NBAS: variants seen among roughly 807,000 people sequenced by gnomAD.
The protein encoded by NBAS is NAG/BC035112 fusion.
In NBAS, 219 loss-of-function variants were observed where a neutral mutation model predicts 302.5. The ratio of observed to expected loss-of-function variants is 0.72; its 90% CI spans 0.65 to 0.81. The LOEUF is 0.81. Ranked by LOEUF, NBAS falls within the 30% of genes least tolerant of loss-of-function variation. The probability of loss-of-function intolerance (pLI) is 0.00; values close to 1 mark genes in which losing one functional copy is unlikely to be tolerated. For missense variants in NBAS, 2,932 were observed against 2,841.6 expected, an observed-to-expected ratio of 1.03 and a Z score of -0.72; for synonymous variants, 1,118 against 1,021.6, an observed-to-expected ratio of 1.09 and a Z score of -1.80.
At chr2:15,491,049 A>G (rs1262799698) in intron 11 of NBAS, among the ~76,000 whole-genome samples, 1 of 152,222 alleles carries the variant, frequency 6.6e-6, no homozygotes. Context: ...ATAAATATAT[A>G]GTATTTTTTA....
intron 40 of NBAS, among the ~76,000 whole-genome samples, chr2:15,300,423 G>T (rs1435215271): frequency 6.6e-6 from 1 of 152,192 alleles, no homozygotes; most frequent in Non-Finnish European, 1.5e-5. Flanking sequence ...TTTATGCAGA[G>T]GAAGATGCTG....
At chr2:15,448,395 G>C (rs917596487) in intron 21 of NBAS, among the ~76,000 whole-genome samples, 3 of 152,006 alleles carry the variant, frequency 2.0e-5, no homozygotes, top group Non-Finnish European at 4.4e-5. Context: ...TATCGCTTAC[G>C]TTACTTAATC....
At chr2:14,879,653 G>C in the NBAS span, among the ~76,000 whole-genome samples, 1 of 152,044 alleles carries the variant, frequency 6.6e-6, no homozygotes, top group African/African-American at 2.4e-5. Context: ...AGATTAAAGA[G>C]AAACTCAAGT....
intron 30 of NBAS, among the ~76,000 whole-genome samples, chr2:15,376,510 G>C (rs977387523): frequency 6.6e-6 from 1 of 152,104 alleles, no homozygotes; most frequent in Non-Finnish European, 1.5e-5. Flanking sequence ...TAGGAGAAAA[G>C]AAAGAGCTAA....
the NBAS span, among the ~76,000 whole-genome samples, chr2:14,794,912 T>C: frequency 2.0e-5 from 3 of 152,230 alleles, no homozygotes; most frequent in South Asian, 4.1e-4. Context: ...GATACACCTA[T>C]GTTGTTGTAT....
chr2:15,376,691 C>T (rs1198617152), intron 30 of NBAS, among the ~76,000 whole-genome samples: 1 of 152,060 alleles, frequency 6.6e-6, no homozygotes, highest in Non-Finnish European at 1.5e-5. Flanking sequence ...ATGAATCTCT[C>T]CAATATATCC....
chr2:15,486,452 A>G (rs1680631088), intron 12 of NBAS, among the ~76,000 whole-genome samples: 1 of 152,202 alleles, frequency 6.6e-6, no homozygotes, highest in South Asian at 2.1e-4. Flanking sequence ...TGTTTCAGGA[A>G]CATGGAATCA....
intron 21 of NBAS, among the ~76,000 whole-genome samples, chr2:15,454,371 C>T (rs962174196): frequency 5.3e-5 from 8 of 151,684 alleles, no homozygotes; most frequent in African/African-American, 1.9e-4. Flanking sequence ...GTATCCTGGA[C>T]TGTATCCTCA....
chr2:14,791,569 C>T, the NBAS span, among the ~76,000 whole-genome samples: 8 of 151,842 alleles, frequency 5.3e-5, no homozygotes, highest in Admixed American at 2.0e-4. Flanking sequence ...TCTGGGAGGC[C>T]GAGGCAGGCA....
the NBAS span, among the ~76,000 whole-genome samples, chr2:14,961,861 C>T: frequency 6.6e-6 from 1 of 152,134 alleles, no homozygotes; most frequent in Non-Finnish European, 1.5e-5. Flanking sequence ...TCACTGCAAC[C>T]TCCACCTCTC....
At chr2:14,814,861 G>T in the NBAS span, among the ~76,000 whole-genome samples, 2 of 152,166 alleles carry the variant, frequency 1.3e-5, no homozygotes, top group African/African-American at 2.4e-5. Flanking sequence ...AGTGTTGCAG[G>T]TGGGACCTAG....
At chr2:14,924,699 A>G in the NBAS span, among the ~76,000 whole-genome samples, 1 of 152,154 alleles carries the variant, frequency 6.6e-6, no homozygotes, top group Non-Finnish European at 1.5e-5. Flanking sequence ...TCATTTTCTC[A>G]AAGACATATT....
chr2:14,893,482 C>G, the NBAS span, among the ~76,000 whole-genome samples: 3 of 152,084 alleles, frequency 2.0e-5, no homozygotes, highest in Non-Finnish European at 4.4e-5. Flanking sequence ...ATGTTTGCAG[C>G]TATAAATTTT....
chr2:14,819,473 A>G, the NBAS span, among the ~76,000 whole-genome samples: 3 of 152,220 alleles, frequency 2.0e-5, no homozygotes, highest in East Asian at 5.8e-4. Context: ...TGAAGTATGT[A>G]TTAGGAAAAG....
intron 35 of NBAS, among the ~76,000 whole-genome samples, chr2:15,344,606 C>T (rs1673003356): frequency 6.6e-6 from 1 of 152,186 alleles, no homozygotes; most frequent in South Asian, 2.1e-4. Context: ...GGGACCATTA[C>T]GTCTGAAACT....
intron 44 of NBAS, among the ~76,000 whole-genome samples, chr2:15,240,833 T>C (rs1667835307): frequency 6.6e-6 from 1 of 152,190 alleles, no homozygotes. Flanking sequence ...CAAGTATTAA[T>C]TATGTTACTG....
chr2:15,514,825 C>A (rs569478627), intron 9 of NBAS, among the ~76,000 whole-genome samples: 1 of 152,202 alleles, frequency 6.6e-6, no homozygotes, highest in Admixed American at 6.5e-5. Flanking sequence ...GACACTTCCT[C>A]TCTATGAATT....
chr2:15,450,539 G>A (rs1382024407), intron 21 of NBAS, among the ~76,000 whole-genome samples: 1 of 151,934 alleles, frequency 6.6e-6, no homozygotes, highest in African/African-American at 2.4e-5. Flanking sequence ...CTATCTTAAA[G>A]TTGTATCTAA....
At chr2:15,461,537 T>C in intron 20 of NBAS, 150 bp downstream of exon 20, 1 of 741,488 alleles carries the variant, frequency 1.3e-6, no homozygotes, top group Non-Finnish European at 2.2e-6. Context: ...CTCAGAATGA[T>C]GGATATTAAA....
Sources: gnomAD v4.1 joint callset for allele counts (sites outside exome capture counted in the v4.1 genomes callset) on GRCh38, gnomAD v4.1.1 for gene constraint, MANE v1.5 for transcripts, NCBI Gene and HGNC (gene_info 2026-07-23, HGNC 2026-07-21) for gene names.